Variants in CPED1 observed in about 807,000 individuals in gnomAD.
CPED1 encodes the protein cadherin-like and PC-esterase domain-containing protein 1.
In CPED1, 114 loss-of-function variants were observed where a neutral mutation model predicts 128.2. The ratio of observed to expected loss-of-function variants is 0.89; its 90% CI spans 0.76 to 1.04. The LOEUF is 1.04. Among genes scored for constraint, CPED1 ranks in the 50% least tolerant of loss-of-function variants. CPED1 has a pLI of 0.00. For synonymous variants in CPED1, 462 were observed against 426.7 expected (o/e 1.08, Z -1.02); for missense variants, 1,211 against 1,207.1 (o/e 1.00, Z -0.05).
intron 16 of CPED1, among the ~76,000 whole-genome samples, chr7:121,212,234 G>A (rs778083153): frequency 1.3e-5 from 2 of 151,946 alleles, no homozygotes; most frequent in Admixed American, 6.6e-5. Flanking sequence ...AAAACCCATC[G>A]TCAATCTGTT....
At chr7:120,999,056 G>A (rs1164072265) in intron 2 of CPED1, among the ~76,000 whole-genome samples, 1 of 152,108 alleles carries the variant, frequency 6.6e-6, no homozygotes, top group Non-Finnish European at 1.5e-5. Flanking sequence ...TACATAGTGA[G>A]CATTGAATAA....
At chr7:121,196,506 T>C (rs1797276228) in intron 16 of CPED1, among the ~76,000 whole-genome samples, 1 of 152,110 alleles carries the variant, frequency 6.6e-6, no homozygotes, top group African/African-American at 2.4e-5. Flanking sequence ...GAGACCATTA[T>C]AGTAGAGAAA....
chr7:121,264,949 CA>C (rs1792092638), intron 18 of CPED1, among the ~76,000 whole-genome samples: 1 of 151,936 alleles, frequency 6.6e-6, no homozygotes, highest in Non-Finnish European at 1.5e-5. Context: ...GATGCAGACA[CA>C]AAAAGCCATA....
intron 16 of CPED1, among the ~76,000 whole-genome samples, chr7:121,199,300 A>C (rs1797334884): frequency 6.6e-6 from 1 of 152,104 alleles, no homozygotes; most frequent in South Asian, 2.1e-4. Flanking sequence ...GATTCAACTC[A>C]CTGGCTTTCC....
At chr7:121,096,326 C>A (rs1197155672) in intron 5 of CPED1, among the ~76,000 whole-genome samples, 2 of 152,032 alleles carry the variant, frequency 1.3e-5, no homozygotes, top group Non-Finnish European at 2.9e-5. Flanking sequence ...TTAAATTAGA[C>A]TATGTTAGTA....
At chr7:121,083,309 C>G (rs1376073115) in intron 5 of CPED1, among the ~76,000 whole-genome samples, 3 of 152,126 alleles carry the variant, frequency 2.0e-5, no homozygotes, top group Admixed American at 2.0e-4. Context: ...CCAGCATTAG[C>G]TCTGGGCCTC....
intron 12 of CPED1, 136 bp from the exon 13 acceptor site, chr7:121,133,687 T>A: frequency 1.7e-6 from 1 of 574,770 alleles, no homozygotes; most frequent in African/African-American, 2.0e-5. Context: ...TTTTGAGGAT[T>A]GAAATGCAGA....
At chr7:121,150,797 C>T (rs1258238380) in intron 16 of CPED1, among the ~76,000 whole-genome samples, 2 of 151,912 alleles carry the variant, frequency 1.3e-5, no homozygotes, top group African/African-American at 2.4e-5. Context: ...GAGATGGAGT[C>T]TCGCTCTGTC....
intron 16 of CPED1, among the ~76,000 whole-genome samples, chr7:121,202,246 C>T (rs1797417068): frequency 5.3e-5 from 8 of 152,140 alleles, no homozygotes; most frequent in Admixed American, 5.2e-4. Context: ...CTGGTTTACA[C>T]TTGGCTACTG....
intron 18 of CPED1, among the ~76,000 whole-genome samples, chr7:121,255,705 G>A (rs1791821260): frequency 6.6e-6 from 1 of 152,022 alleles, no homozygotes; most frequent in African/African-American, 2.4e-5. Context: ...AACAATTTTA[G>A]TGAAGTTTTA....
chr7:121,175,475 A>G (rs1796754304), intron 16 of CPED1, among the ~76,000 whole-genome samples: 2 of 152,076 alleles, frequency 1.3e-5, no homozygotes, highest in Admixed American at 1.3e-4. Context: ...TAAAATTCCC[A>G]TTTTATTGTG....
At chr7:121,187,284 A>C (rs951700662) in intron 16 of CPED1, among the ~76,000 whole-genome samples, 1 of 152,210 alleles carries the variant, frequency 6.6e-6, no homozygotes, top group Non-Finnish European at 1.5e-5. Context: ...CGAAGGGTGT[A>C]TTTCAACCAA....
chr7:121,175,676 A>T (rs1796758744), intron 16 of CPED1, among the ~76,000 whole-genome samples: 1 of 152,150 alleles, frequency 6.6e-6, no homozygotes, highest in Non-Finnish European at 1.5e-5. Flanking sequence ...GGAATATTTC[A>T]AGGAAGTTCC....
intron 16 of CPED1, among the ~76,000 whole-genome samples, chr7:121,190,214 A>G (rs1797103077): frequency 6.6e-6 from 1 of 151,998 alleles, no homozygotes; most frequent in Admixed American, 6.6e-5. Context: ...AAGTGAGAAG[A>G]GAAGCCTTTC....
At chr7:121,187,567 CA>C (rs1212525971) in intron 16 of CPED1, among the ~76,000 whole-genome samples, 2 of 152,082 alleles carry the variant, frequency 1.3e-5, no homozygotes, top group African/African-American at 4.8e-5. Flanking sequence ...ACCTCAGCCT[CA>C]TAATCTCCAA....
At chr7:121,266,546 T>A (rs1792128398) in intron 19 of CPED1, 99 bp downstream of exon 19, 1 of 1,239,544 alleles carries the variant, frequency 8.1e-7, no homozygotes, top group Non-Finnish European at 1.2e-6. Context: ...TCAAATGTGC[T>A]CAAAAGGTTA....
chr7:121,211,558 G>A (rs372907313), intron 16 of CPED1, among the ~76,000 whole-genome samples: 2 of 1,182 alleles, frequency 1.7e-3, no homozygotes, highest in Non-Finnish European at 8.6e-3. Flanking sequence ...ATCTGATTGG[G>A]ACAGCAGACA....
intron 16 of CPED1, among the ~76,000 whole-genome samples, chr7:121,188,264 A>G (rs1797049940): frequency 6.6e-6 from 1 of 152,176 alleles, no homozygotes; most frequent in South Asian, 2.1e-4. Context: ...TGTTCAATCC[A>G]AATTTATTAT....
intron 7 of CPED1, among the ~76,000 whole-genome samples, chr7:121,109,622 A>C (rs1363030974): frequency 6.6e-6 from 1 of 152,208 alleles, no homozygotes; most frequent in African/African-American, 2.4e-5. Flanking sequence ...CTGTTTAAAA[A>C]ACATACTGTT....
Sources: gnomAD v4.1 joint callset for allele counts (sites outside exome capture counted in the v4.1 genomes callset) on GRCh38, gnomAD v4.1.1 for gene constraint, MANE v1.5 for transcripts, NCBI Gene and HGNC (gene_info 2026-07-23, HGNC 2026-07-21) for gene names.